CAMK2A: variants seen among roughly 807,000 people sequenced by gnomAD.
CAMK2A encodes calcium/calmodulin-dependent protein kinase type II subunit alpha.
In CAMK2A, 7 loss-of-function variants were observed where a neutral mutation model predicts 79.2. The ratio of observed to expected loss-of-function variants is 0.09; its 90% CI spans 0.05 to 0.17. The LOEUF (loss-of-function observed/expected upper bound fraction) is 0.17, where lower values mean the gene tolerates loss of function less well. CAMK2A is among the 10% of genes least tolerant of loss of function. The pLI, the probability that CAMK2A is intolerant of heterozygous loss-of-function variation, is 1.00. For missense variants in CAMK2A, 214 were observed against 646.4 expected (o/e 0.33, Z 7.25); for synonymous variants, 242 against 251.7 (o/e 0.96, Z 0.36).
chr5:150,240,560 A>G (rs1755293068), intron 13 of CAMK2A, among the ~76,000 whole-genome samples: 1 of 152,206 alleles, frequency 6.6e-6, no homozygotes, highest in African/African-American at 2.4e-5. Flanking sequence ...GTACCAAGAG[A>G]AGGAGAGGGG....
At chr5:150,279,792 G>A (rs974738980) in intron 1 of CAMK2A, among the ~76,000 whole-genome samples, 2 of 152,210 alleles carry the variant, frequency 1.3e-5, no homozygotes, top group Admixed American at 1.3e-4. Context: ...AGTGACAGTG[G>A]GTCCGGCGCA....
rs1308826351 is a variant in CAMK2A at position 150,219,649 on chromosome 5, A to AG, written c.*3060_*3061insC. The AG allele has an allele frequency of 1.4e-5, 2 of 147,792 alleles. No homozygotes were observed. Among genetic ancestry groups the AG allele is most frequent in the African/African-American group, 4.9e-5 (2 of 40,536 alleles). The allele number at this position is 147,792 out of a possible 1,614,324, so 9.2% of individuals were successfully genotyped here. On this transcript the variant is annotated 3_prime_UTR_variant, in exon 19 of 19. Transcript: ENST00000671881. ...TTTTTAAAAAAGAAAAGAAAAAAAA[A>AG]AAGAACTAAAACAAAACCCCAAACA...
intron 11 of CAMK2A, 47 bp downstream of exon 11, chr5:150,250,179 C>T: frequency 7.0e-7 from 1 of 1,431,198 alleles, no homozygotes. Flanking sequence ...GAGACCCAGG[C>T]AGAGCTAGTC....
At chr5:150,236,283 T>C (rs1271487450) in intron 15 of CAMK2A, among the ~76,000 whole-genome samples, 1 of 152,248 alleles carries the variant, frequency 6.6e-6, no homozygotes, top group Non-Finnish European at 1.5e-5. Flanking sequence ...TTTCTCTCTC[T>C]AACATTTAAA....
intron 12 of CAMK2A, 150 bp from the exon 13 acceptor site, chr5:150,245,351 C>T (rs1755522956): frequency 1.7e-6 from 1 of 572,596 alleles, no homozygotes; most frequent in Admixed American, 3.0e-5. Context: ...TCCTCCTCCT[C>T]CTCCTCCTCC....
chr5:150,283,012 T>A (rs1757277564), intron 1 of CAMK2A, among the ~76,000 whole-genome samples: 1 of 152,144 alleles, frequency 6.6e-6, no homozygotes, highest in Non-Finnish European at 1.5e-5. Flanking sequence ...CCCCAGGACA[T>A]CTCTGCAGAC....
chr5:150,223,117 C>A lies in CAMK2A; in HGVS notation c.1338G>T (p.Thr446=). The change falls in exon 18 of 19, where the codon ACG becomes ACT. Residue 446 remains threonine (T), a synonymous_variant. Transcript: ENST00000671881. The surrounding 1 kb of genome is among the most constrained non-coding windows in gnomAD (Gnocchi z 4.1). The part of the protein sequence containing the change: ...ESACIAYIRI[T]QYLDAGGIPR... ...GGATGCCGCCAGCGTCCAGGTACTG[C>A]GTGATGCGGATGTAGGCGATGCAGG... 1.2e-6 allele frequency: 2 copies of A among 1,614,134 alleles called. No homozygotes were observed. The highest frequency in any genetic ancestry group is 1.3e-5 in the African/African-American group (1 of 75,074).
In CAMK2A at chr5:150,222,956, T is replaced by C. The variant is rs549246180; in HGVS notation, c.1466+33A>G. 5.7e-6 allele frequency: 9 copies of C among 1,588,138 alleles called. No individual in the cohort carries two copies. The East Asian group carries it at 1.8e-4, about 32-fold the overall frequency. On this transcript the variant is annotated intron_variant, in intron 18 of 18. Coordinates refer to ENST00000671881, the MANE Select transcript of CAMK2A (RefSeq NM_015981.4). ...CAGGGCAACACTCCCATCCTTTACA[T>C]TACCCTGGGAGGCAGGAAGGAGGGA... is the stretch of plus-strand genomic sequence containing the variant.
chr5:150,231,979 C>A (rs1754862779), intron 15 of CAMK2A, among the ~76,000 whole-genome samples: 1 of 152,202 alleles, frequency 6.6e-6, no homozygotes, highest in Non-Finnish European at 1.5e-5. Flanking sequence ...CATAATGAAT[C>A]CCATTTGCTG....
chr5:150,244,134 C>A (rs1755461836), intron 13 of CAMK2A, among the ~76,000 whole-genome samples: 1 of 152,184 alleles, frequency 6.6e-6, no homozygotes, highest in Non-Finnish European at 1.5e-5. Flanking sequence ...AAGCTGCAAT[C>A]TTGGAAATGA....
At chr5:150,268,475 A>C (rs1756606916) in intron 2 of CAMK2A, among the ~76,000 whole-genome samples, 1 of 152,124 alleles carries the variant, frequency 6.6e-6, no homozygotes, top group Non-Finnish European at 1.5e-5. Context: ...TTTTCTAAGC[A>C]TGTCCCTCCT....
intron 2 of CAMK2A, among the ~76,000 whole-genome samples, chr5:150,270,887 T>C (rs1195598550): frequency 2.0e-5 from 3 of 152,146 alleles, no homozygotes; most frequent in African/African-American, 7.2e-5. Flanking sequence ...ACAGGAGCCA[T>C]GGCCCTTCCA....
At chr5:150,275,641 G>A (rs750508278) in intron 1 of CAMK2A, among the ~76,000 whole-genome samples, 1 of 152,106 alleles carries the variant, frequency 6.6e-6, no homozygotes, top group Non-Finnish European at 1.5e-5. Flanking sequence ...CTAGGAAAAC[G>A]CTTACTTACA....
intron 1 of CAMK2A, among the ~76,000 whole-genome samples, chr5:150,281,211 T>C (rs904672448): frequency 1.5e-4 from 23 of 152,238 alleles, no homozygotes; most frequent in African/African-American, 5.5e-4. Context: ...TTGGTTAAGA[T>C]ACTTAAGCAT....
Position 150,222,127 on chromosome 5 carries a change from G to A in CAMK2A, c.*583C>T. The A allele has an allele frequency of 4.3e-6, 1 of 232,926 alleles. No individual in the cohort carries two copies. The highest frequency in any genetic ancestry group is 9.6e-5 in the South Asian group (1 of 10,418). The allele number at this position is 232,926 out of a possible 1,614,324, so 14.4% of individuals were successfully genotyped here. ...AGAGGGCCACATCCCCCACACCGAG[G>A]GAAGGGTCAGACCACCCTGAGGTCA... On this transcript the variant is annotated 3_prime_UTR_variant, in exon 19 of 19. Coordinates refer to ENST00000671881, the MANE Select transcript of CAMK2A (RefSeq NM_015981.4).
In CAMK2A at chr5:150,221,259, G is replaced by T; in HGVS notation, c.*1451C>A. ...CAGTAGATCCTAGTGGATGTGCCAA[G>T]GTATTCCACTCAGAGTCAATCCCAG... On this transcript the variant is annotated 3_prime_UTR_variant, in exon 19 of 19. Coordinates refer to ENST00000671881, the MANE Select transcript of CAMK2A (RefSeq NM_015981.4). 1 of 396,916 alleles carries T rather than the reference G, an allele frequency of 2.5e-6. No individual in the cohort carries two copies. The highest frequency in any genetic ancestry group is 4.4e-6 in the Non-Finnish European group (1 of 225,260). 24.6% of individuals were successfully genotyped at this position (396,916 alleles called of 1,614,324 possible).
rs73268739 is a variant in CAMK2A at position 150,271,592 on chromosome 5, C to T, written c.157+1473G>A. Among the ~76,000 whole-genome samples, 788 of 152,340 alleles carry T rather than the reference C, an allele frequency of 5.2e-3. 8 individuals carry two copies. The highest frequency in any genetic ancestry group is 0.018 in the African/African-American group (761 of 41,574). ...TGCCAGCCCCTCACACAACATCTCC[C>T]GCACTGCACAAACCATGGATTGTAC... On this transcript the variant is annotated intron_variant, in intron 2 of 18. Coordinates refer to ENST00000671881, the MANE Select transcript of CAMK2A (RefSeq NM_015981.4).
intron 2 of CAMK2A, among the ~76,000 whole-genome samples, chr5:150,271,097 A>T (rs937168534): frequency 6.6e-6 from 1 of 152,136 alleles, no homozygotes; most frequent in Non-Finnish European, 1.5e-5. Context: ...TCCCTTGGTT[A>T]CTCAACACCC....
chr5:150,226,256 G>A (rs539847542), intron 17 of CAMK2A, among the ~76,000 whole-genome samples: 60 of 152,242 alleles, frequency 3.9e-4, no homozygotes, highest in African/African-American at 1.4e-3. Context: ...GAAGGGAAAG[G>A]GCACTGGGGT....
Sources: allele counts gnomAD v4.1 joint callset (sites outside exome capture counted in the v4.1 genomes callset), GRCh38; gene constraint gnomAD v4.1.1; non-coding constraint Gnocchi (gnomAD v3.1); transcripts MANE v1.5; gene names NCBI Gene and HGNC (gene_info 2026-07-23, HGNC 2026-07-21).